ZDHHC13: variants seen among roughly 807,000 people sequenced by gnomAD.
ZDHHC13 encodes the protein palmitoyltransferase ZDHHC13.
Under a neutral mutation model 86.0 loss-of-function variants are expected in ZDHHC13, and 85 were observed. The observed-to-expected ratio is 0.99, with a 90% CI of 0.83 to 1.18. ZDHHC13 has a LOEUF of 1.18. Among genes scored for constraint, ZDHHC13 ranks in the 50% most tolerant of loss-of-function variants. The probability of loss-of-function intolerance (pLI) is 0.00; values close to 1 mark genes in which losing one functional copy is unlikely to be tolerated. For synonymous variants in ZDHHC13, 263 were observed against 246.4 expected, an observed-to-expected ratio of 1.07 and a Z score of -0.63; for missense variants, 711 against 730.2, an observed-to-expected ratio of 0.97 and a Z score of 0.30.
At chr11:19,174,705 G>A (rs2133492540) in intron 16 of ZDHHC13, among the ~76,000 whole-genome samples, 1 of 152,378 alleles carries the variant, frequency 6.6e-6, no homozygotes, top group Admixed American at 6.5e-5. Flanking sequence ...AGTCAGGAAA[G>A]CTCCAGTGGA....
In ZDHHC13 at chr11:19,143,001, C is replaced by T. The variant is rs1351693076; in HGVS notation, c.51C>T (p.Pro17=). The T allele has an allele frequency of 6.2e-7, 1 of 1,610,260 alleles. No individual in the cohort carries two copies. The highest frequency in any genetic ancestry group is 8.5e-7 in the Non-Finnish European group (1 of 1,178,074). ...AGTGCAGGAATCACAGCCATGGCCC[C>T]CACCCTCCAGGATTTGGTCGATATG... ...GSQCRNHSHG[P]HPPGFGRYGI... The change falls in exon 2 of 17, where the codon CCC becomes CCT. Residue 17 remains proline (P), a synonymous_variant. Coordinates refer to ENST00000446113, the MANE Select transcript of ZDHHC13 (RefSeq NM_019028.3).
intron 1 of ZDHHC13, among the ~76,000 whole-genome samples, chr11:19,139,679 A>G (rs1209389693): frequency 6.6e-6 from 1 of 151,596 alleles, no homozygotes; most frequent in Non-Finnish European, 1.5e-5. Flanking sequence ...ACAAGGCTAC[A>G]GTAACCAAAA....
At position 19,152,821 on chromosome 11, in the gene ZDHHC13, A is replaced by G. The variant is rs148184452; in HGVS notation, c.873+137A>G. 1.6e-4 allele frequency: 216 copies of G among 1,363,420 alleles called. No homozygotes were observed. The African/African-American group carries it at 2.7e-3, about 17-fold the overall frequency. 84.5% of individuals were successfully genotyped at this position (1,363,420 alleles called of 1,614,324 possible). A position where few individuals can be genotyped will look rare whatever the true frequency, so the allele number is the denominator to read the frequency against. On this transcript the variant is annotated intron_variant, in intron 8 of 16. Transcript: ENST00000446113. ...TCTGCTGACTATATCTTTCCCCCGC[A>G]TCCTATTACCCAAAGTTGGAAATTT...
At chr11:19,162,749 G>A (rs1270425374) in intron 10 of ZDHHC13, among the ~76,000 whole-genome samples, 3 of 152,128 alleles carry the variant, frequency 2.0e-5, no homozygotes, top group African/African-American at 2.4e-5. Context: ...GAAACTGAAC[G>A]TATTTTTGAG....
chr11:19,158,920 A>C lies in ZDHHC13; in HGVS notation c.1008-20A>C, dbSNP rs1349268569. ...AATACAAGTCATACTAATAACTTAT[A>C]TTTATCTTTTTTCTTTTAGGTTCTT... On this transcript the variant is annotated intron_variant, in intron 9 of 16. Coordinates refer to ENST00000446113, the MANE Select transcript of ZDHHC13 (RefSeq NM_019028.3). 15 of 1,463,444 alleles carry C rather than the reference A, an allele frequency of 1.0e-5. No individual in the cohort carries two copies. The highest frequency in any genetic ancestry group is 4.8e-4 in the Middle Eastern group (2 of 4,204). 90.7% of individuals were successfully genotyped at this position (1,463,444 alleles called of 1,614,324 possible). A position where few individuals can be genotyped will look rare whatever the true frequency, so the allele number is the denominator to read the frequency against.
Position 19,156,905 on chromosome 11 carries a change from T to C in ZDHHC13, c.1007+976T>C, listed in dbSNP as rs141172740. On this transcript the variant is annotated intron_variant, in intron 9 of 16. Transcript: ENST00000446113. ...TTAAAGTGCTTTAGTAACTTTTTCT[T>C]GTACTCAGAACAAAATCCAGACTCC... is the stretch of plus-strand genomic sequence containing the variant. 7.7e-3 allele frequency among the ~76,000 whole-genome samples: 1,166 copies of C among 152,346 alleles called. 11 individuals are homozygous for C. Among genetic ancestry groups the C allele is most frequent in the African/African-American group, 0.026 (1,098 of 41,584 alleles).
At chr11:19,168,966 G>A (rs1850145859) in intron 14 of ZDHHC13, 3 of 985,388 alleles carry the variant, frequency 3.0e-6, no homozygotes, top group South Asian at 4.7e-5. Context: ...GACCTGGAAT[G>A]ATGTGAGTTC....
intron 1 of ZDHHC13, among the ~76,000 whole-genome samples, chr11:19,132,358 C>T (rs1849020145): frequency 6.6e-6 from 1 of 152,154 alleles, no homozygotes; most frequent in Admixed American, 6.5e-5. Flanking sequence ...TCTGATATCT[C>T]CACTGAATAA....
rs139128805 is a variant in ZDHHC13 at position 19,143,022 on chromosome 11, A to G, written c.72A>G (p.Arg24=). 2.1e-5 allele frequency: 34 copies of G among 1,612,408 alleles called. No homozygotes were observed. In the East Asian group the frequency reaches 6.0e-4, roughly 29 times the overall value. ...SHGPHPPGFG[R]YGICAHENKE... is the part of the protein sequence containing the mutation. ...GCCCCCACCCTCCAGGATTTGGTCG[A>G]TATGGCATCTGTGCACATGAAAACA... is the stretch of plus-strand genomic sequence containing the variant. The change falls in exon 2 of 17, where the codon CGA becomes CGG. Residue 24 remains arginine, a synonymous_variant. Transcript: ENST00000446113.
At position 19,143,057 on chromosome 11, in the gene ZDHHC13, C is replaced by A; in HGVS notation, c.107C>A (p.Ala36Asp). 2 of 1,613,050 alleles carry A rather than the reference C, an allele frequency of 1.2e-6. No homozygotes were observed. The highest frequency in any genetic ancestry group is 1.7e-6 in the Non-Finnish European group (2 of 1,179,464). The change falls in exon 2 of 17, where the codon GCC (alanine) becomes GAC (aspartate). Residue 36 changes from alanine (A) to aspartate (D), a missense_variant. Ala to Asp is a moderately radical substitution (Grantham distance 126). Coordinates refer to ENST00000446113, the MANE Select transcript of ZDHHC13 (RefSeq NM_019028.3). ...TGTGCACATGAAAACAAAGAACTTGCCAATGCAAGAGAAGCTCTTCCTCTT... is the reference window on the plus strand; with the variant it reads ...TGTGCACATGAAAACAAAGAACTTGACAATGCAAGAGAAGCTCTTCCTCTT... ...GICAHENKEL[A>D]NAREALPLIE...
At chr11:19,159,842 G>A (rs1849862032) in intron 10 of ZDHHC13, among the ~76,000 whole-genome samples, 2 of 151,636 alleles carry the variant, frequency 1.3e-5, no homozygotes, top group African/African-American at 4.9e-5. Context: ...TGTGACTTCA[G>A]GTAGGTGGAA....
At chr11:19,150,977 A>T (rs936097557) in intron 6 of ZDHHC13, among the ~76,000 whole-genome samples, 186 bp downstream of exon 6, 1 of 152,088 alleles carries the variant, frequency 6.6e-6, no homozygotes, top group Non-Finnish European at 1.5e-5. Flanking sequence ...CTTGAAATAC[A>T]TTTTCTCTTT....
intron 1 of ZDHHC13, among the ~76,000 whole-genome samples, chr11:19,141,102 T>A (rs1354809304): frequency 2.0e-5 from 3 of 151,902 alleles, no homozygotes; most frequent in Non-Finnish European, 2.9e-5. Flanking sequence ...AAGTACTGAT[T>A]CAGGGAGGTT....
intron 1 of ZDHHC13, among the ~76,000 whole-genome samples, chr11:19,141,222 T>A (rs1040950540): frequency 6.6e-6 from 1 of 152,080 alleles, no homozygotes; most frequent in African/African-American, 2.4e-5. Context: ...GCCTATGAGA[T>A]TAGAGGATTG....
At chr11:19,166,553 A>G (rs774983731) in intron 14 of ZDHHC13, 168 bp downstream of exon 14, 20 of 511,970 alleles carry the variant, frequency 3.9e-5, no homozygotes, top group Admixed American at 8.0e-5. Flanking sequence ...GCTGCAAGAA[A>G]TACAAGATGA....
At chr11:19,150,685 GAGTGTATTT>G (rs780963546) in intron 5 of ZDHHC13, 33 bp from the exon 6 acceptor site, 7 of 1,522,042 alleles carry the variant, frequency 4.6e-6, no homozygotes, top group East Asian at 4.5e-5. Flanking sequence ...ATAGACTTTT[GAGTGTATTT>G]ACAGTTATGC....
At chr11:19,122,010 G>C (rs1025954367) in intron 1 of ZDHHC13, among the ~76,000 whole-genome samples, 8 of 152,116 alleles carry the variant, frequency 5.3e-5, no homozygotes, top group African/African-American at 1.9e-4. Flanking sequence ...TATCTTTTGA[G>C]ACTCAAGGTT....
intron 2 of ZDHHC13, 110 bp downstream of exon 2, chr11:19,143,233 A>G: frequency 2.7e-6 from 3 of 1,130,056 alleles, no homozygotes; most frequent in Non-Finnish European, 3.7e-6. Flanking sequence ...TCATAATAGT[A>G]GTTAACACCA....
intron 1 of ZDHHC13, among the ~76,000 whole-genome samples, chr11:19,133,043 G>A (rs1421794526): frequency 3.3e-5 from 5 of 152,090 alleles, no homozygotes; most frequent in African/African-American, 1.2e-4. Flanking sequence ...CACAAAAATG[G>A]ACAAATTGCT....
Sources: gnomAD v4.1 joint callset for allele counts (sites outside exome capture counted in the v4.1 genomes callset) on GRCh38, gnomAD v4.1.1 for gene constraint, MANE v1.5 for transcripts, NCBI Gene and HGNC (gene_info 2026-07-23, HGNC 2026-07-21) for gene names.